XRCC5: variants seen among roughly 807,000 people sequenced by gnomAD.
XRCC5 encodes the protein DNA repair protein Ku80.
XRCC5 carries 12 observed loss-of-function variants against 95.7 expected under a neutral mutation model. That is an observed-to-expected ratio of 0.13 (90% CI 0.08 to 0.20). XRCC5 has a LOEUF of 0.20. XRCC5 is among the 10% of genes least tolerant of loss of function. The pLI is 1.00. For missense variants in XRCC5, 595 were observed against 873.9 expected (o/e 0.68, Z 4.02); for synonymous variants, 281 against 290.3 (o/e 0.97, Z 0.33).
At chr2:216,130,176 A>G (rs1459603556) in intron 8 of XRCC5, among the ~76,000 whole-genome samples, 1 of 150,652 alleles carries the variant, frequency 6.6e-6, no homozygotes. Context: ...AACATAGAAG[A>G]TACTGTGTAT....
intron 16 of XRCC5, among the ~76,000 whole-genome samples, chr2:216,170,089 T>G (rs1689130592): frequency 7.1e-6 from 1 of 141,350 alleles, no homozygotes; most frequent in South Asian, 2.5e-4. Flanking sequence ...TGACCCCTTG[T>G]CGTGTCATGA....
intron 15 of XRCC5, among the ~76,000 whole-genome samples, chr2:216,161,460 C>T (rs746448256): frequency 1.3e-5 from 2 of 152,196 alleles, no homozygotes; most frequent in Non-Finnish European, 2.9e-5. Context: ...TTTCTGAGGA[C>T]ATGTTCAACC....
intron 19 of XRCC5, among the ~76,000 whole-genome samples, chr2:216,197,434 A>G (rs1010278702): frequency 1.4e-5 from 2 of 146,284 alleles, no homozygotes; most frequent in Non-Finnish European, 3.0e-5. Flanking sequence ...AACGAAAGCG[A>G]AACTCTGTCC....
At chr2:216,184,274 G>A (rs905649094) in intron 16 of XRCC5, among the ~76,000 whole-genome samples, 1 of 152,200 alleles carries the variant, frequency 6.6e-6, no homozygotes, top group East Asian at 1.9e-4. Context: ...CTCTAAAGAC[G>A]TTTCAAGTAG....
At chr2:216,202,788 A>G (rs1006963254) in intron 19 of XRCC5, among the ~76,000 whole-genome samples, 1 of 152,234 alleles carries the variant, frequency 6.6e-6, no homozygotes, top group African/African-American at 2.4e-5. Context: ...GGTTGAGTCA[A>G]CAAACAATTA....
chr2:216,189,469 T>C (rs1460240218), intron 16 of XRCC5, among the ~76,000 whole-genome samples: 1 of 152,238 alleles, frequency 6.6e-6, no homozygotes, highest in Non-Finnish European at 1.5e-5. Flanking sequence ...CTGCTTTTTA[T>C]TCATACTGAA....
At chr2:216,141,540 C>CTTTTTT (rs71401137) in intron 13 of XRCC5, among the ~76,000 whole-genome samples, 1,953 of 64,094 alleles carry the variant, frequency 0.03, 267 homozygotes, top group East Asian at 0.037. Context: ...TCTTTCTTTT[C>CTTTTTT]TTTTTTTTTT....
At chr2:216,155,024 T>C (rs1244066195) in intron 14 of XRCC5, among the ~76,000 whole-genome samples, 1 of 151,326 alleles carries the variant, frequency 6.6e-6, no homozygotes, top group African/African-American at 2.4e-5. Flanking sequence ...TAAAAAAATA[T>C]ATAAAAGCCT....
intron 13 of XRCC5, among the ~76,000 whole-genome samples, chr2:216,141,937 C>A (rs964429837): frequency 2.0e-5 from 3 of 152,018 alleles, no homozygotes; most frequent in Non-Finnish European, 2.9e-5. Context: ...GCCTGTAATC[C>A]GAGCTTCTCA....
intron 13 of XRCC5, 132 bp from the exon 14 acceptor site, chr2:216,147,951 T>C: frequency 1.0e-6 from 1 of 979,418 alleles, no homozygotes; most frequent in East Asian, 2.5e-5. Flanking sequence ...GTGAATCCTC[T>C]TGATTGTTTT....
intron 13 of XRCC5, among the ~76,000 whole-genome samples, 158 bp from the exon 14 acceptor site, chr2:216,147,925 A>G (rs979429467): frequency 1.3e-5 from 2 of 152,186 alleles, no homozygotes; most frequent in Admixed American, 6.5e-5. Flanking sequence ...TATCCTGCCA[A>G]CAAAGGTGGT....
intron 19 of XRCC5, among the ~76,000 whole-genome samples, chr2:216,199,427 C>T (rs1245261401): frequency 1.3e-5 from 2 of 152,152 alleles, no homozygotes; most frequent in Non-Finnish European, 2.9e-5. Flanking sequence ...TTTTGCATGG[C>T]GTGAGTTTAG....
intron 16 of XRCC5, among the ~76,000 whole-genome samples, chr2:216,168,360 T>A (rs968981319): frequency 1.4e-4 from 21 of 152,188 alleles, no homozygotes; most frequent in African/African-American, 4.6e-4. Context: ...AGTTTACATC[T>A]TAATATAATG....
intron 14 of XRCC5, among the ~76,000 whole-genome samples, chr2:216,157,566 G>A (rs980375479): frequency 1.3e-5 from 2 of 151,698 alleles, no homozygotes; most frequent in Non-Finnish European, 2.9e-5. Context: ...GAAAGAGATA[G>A]GCCTATCACA....
At chr2:216,134,255 A>G (rs995759992) in intron 10 of XRCC5, among the ~76,000 whole-genome samples, 4 of 152,182 alleles carry the variant, frequency 2.6e-5, no homozygotes, top group Non-Finnish European at 5.9e-5. Context: ...ATTAGCATAT[A>G]ATTTTTTGTA....
intron 1 of XRCC5, chr2:216,111,380 T>C (rs1275727151): frequency 2.2e-6 from 1 of 450,914 alleles, no homozygotes; most frequent in Non-Finnish European, 4.4e-6. Flanking sequence ...AAGAATTAGC[T>C]GGGCATGGTG....
At chr2:216,163,104 T>G (rs565853051) in intron 16 of XRCC5, among the ~76,000 whole-genome samples, 18 of 151,994 alleles carry the variant, frequency 1.2e-4, no homozygotes, top group African/African-American at 3.9e-4. Context: ...TATAGAACTT[T>G]CTCTTCCAAC....
rs182345666 is a variant in XRCC5, at chr2:216,152,822, A to G, written c.1670+4546A>G. Among the ~76,000 whole-genome samples, 15 of 151,448 alleles carry G rather than the reference A, an allele frequency of 9.9e-5. No homozygotes were observed. In the East Asian group the frequency reaches 2.3e-3, roughly 24 times the overall value. The stretch of plus-strand genomic sequence containing the variant: ...GTAACTCACGCCGGCTAAGTTTTTT[A>G]TATTTTGTCGAGATAGAGTCTTACT... On this transcript the variant is annotated intron_variant, in intron 14 of 20. Transcript: ENST00000392132.
At chr2:216,160,738 T>C (rs893722584) in intron 15 of XRCC5, among the ~76,000 whole-genome samples, 31 of 152,086 alleles carry the variant, frequency 2.0e-4, no homozygotes, top group African/African-American at 7.5e-4. Context: ...TATTTAATTT[T>C]AGAGATAGGT....
Sources: gnomAD v4.1 joint callset for allele counts (sites outside exome capture counted in the v4.1 genomes callset) on GRCh38, gnomAD v4.1.1 for gene constraint, MANE v1.5 for transcripts, NCBI Gene and HGNC (gene_info 2026-07-23, HGNC 2026-07-21) for gene names.